Variants in PCDHA11 observed in about 807,000 individuals in gnomAD.
PCDHA11 encodes protocadherin alpha-11.
Under a neutral mutation model 70.3 loss-of-function variants are expected in PCDHA11, and 61 were observed. The observed-to-expected ratio is 0.87, with a 90% CI of 0.71 to 1.07. The LOEUF (loss-of-function observed/expected upper bound fraction) is 1.07. Ranked by LOEUF, PCDHA11 falls within the 50% of genes least tolerant of loss-of-function variation. The pLI, the probability that PCDHA11 is intolerant of heterozygous loss-of-function variation, is 0.00. For missense variants in PCDHA11, 1,324 were observed against 1,237.5 expected, an observed-to-expected ratio of 1.07 and a Z score of -1.05; for synonymous variants, 633 against 555.1, an observed-to-expected ratio of 1.14 and a Z score of -1.97.
chr5:140,882,103 G>A, intron 1 of PCDHA11: 2 of 1,335,054 alleles, frequency 1.5e-6, no homozygotes, highest in Non-Finnish European at 2.0e-6. Context: ...ACGTTTCCGC[G>A]AAGAAAGCCG....
chr5:140,907,360 T>C (rs1241355980), intron 1 of PCDHA11, among the ~76,000 whole-genome samples: 1 of 152,186 alleles, frequency 6.6e-6, no homozygotes, highest in Admixed American at 6.5e-5. Flanking sequence ...TGCACTTCTT[T>C]AGTCGTAAAG....
intron 1 of PCDHA11, among the ~76,000 whole-genome samples, chr5:140,957,226 C>T (rs1421287024): frequency 1.3e-5 from 2 of 152,080 alleles, no homozygotes; most frequent in African/African-American, 4.8e-5. Context: ...TTTGGCGAAG[C>T]ATTTTGGCAT....
chr5:140,883,852 G>A (rs1554180292), intron 1 of PCDHA11: 1 of 1,612,972 alleles, frequency 6.2e-7, no homozygotes. Flanking sequence ...ACGAGGAGCT[G>A]GAGCTGTTGC....
chr5:140,939,175 C>A (rs2092330886), intron 1 of PCDHA11, among the ~76,000 whole-genome samples: 1 of 152,010 alleles, frequency 6.6e-6, no homozygotes, highest in African/African-American at 2.4e-5. Context: ...TGGTAATGGC[C>A]CACTCCCTGG....
chr5:140,883,594 G>C (rs1562791129), intron 1 of PCDHA11: 5 of 1,614,032 alleles, frequency 3.1e-6, no homozygotes, highest in South Asian at 1.1e-5. Context: ...CCAGCGTGTC[G>C]GTGGGGGTGG....
At chr5:140,911,299 T>A (rs1583781432) in intron 1 of PCDHA11, among the ~76,000 whole-genome samples, 1 of 152,154 alleles carries the variant, frequency 6.6e-6, no homozygotes, top group Non-Finnish European at 1.5e-5. Flanking sequence ...CTTTTACATA[T>A]CCCCATTCCA....
chr5:140,878,474 C>A (rs1227598146), intron 1 of PCDHA11, among the ~76,000 whole-genome samples: 1 of 152,134 alleles, frequency 6.6e-6, no homozygotes, highest in Non-Finnish European at 1.5e-5. Flanking sequence ...AATCATTTCT[C>A]AATTTAAAAA....
At chr5:140,927,981 T>C (rs2084836319) in intron 1 of PCDHA11, 2 of 1,614,206 alleles carry the variant, frequency 1.2e-6, no homozygotes, top group Non-Finnish European at 1.7e-6. Flanking sequence ...CTCTCTTTAG[T>C]GTAAAGGATG....
At chr5:140,926,183 C>A (rs1287609954) in intron 1 of PCDHA11, among the ~76,000 whole-genome samples, 2 of 151,712 alleles carry the variant, frequency 1.3e-5, no homozygotes, top group African/African-American at 4.8e-5. Context: ...GGAAAGCCCC[C>A]CGCAGCACTT....
intron 1 of PCDHA11, among the ~76,000 whole-genome samples, chr5:140,956,457 G>T (rs1197742299): frequency 2.0e-5 from 3 of 152,184 alleles, no homozygotes; most frequent in African/African-American, 7.2e-5. Flanking sequence ...TACATTTATT[G>T]ATTTGCATAT....
At chr5:140,946,631 T>TATATATATAC (rs57893927) in intron 1 of PCDHA11, among the ~76,000 whole-genome samples, 18,480 of 131,524 alleles carry the variant, frequency 0.14, 1,838 homozygotes, top group East Asian at 0.38. Context: ...TATATATATA[T>TATATATATAC]ACAATGGAAT....
At chr5:140,939,987 C>T (rs2092516961) in intron 1 of PCDHA11, among the ~76,000 whole-genome samples, 1 of 152,060 alleles carries the variant, frequency 6.6e-6, no homozygotes. Flanking sequence ...TGAATTGTTT[C>T]TCCTTGGATT....
intron 1 of PCDHA11, chr5:140,969,483 G>C (rs531496681): frequency 1.4e-6 from 2 of 1,462,372 alleles, no homozygotes; most frequent in African/African-American, 1.4e-5. Context: ...ATCATAATCT[G>C]CTATTTCCTC....
At position 140,928,140 on chromosome 5, in the gene PCDHA11, G is replaced by A. The variant is rs200493520; in HGVS notation, c.2392-50809G>A. On this transcript the variant is annotated intron_variant, in intron 1 of 3. Coordinates refer to ENST00000398640, the MANE Select transcript of PCDHA11 (RefSeq NM_018902.5). The stretch of plus-strand genomic sequence containing the variant: ...TCAGTGAATACCAAGTCCTGATCAC[G>A]GCCTCAGATAGTGGCTCACCCCCAC... The A allele has an allele frequency of 2.7e-5, 43 of 1,614,036 alleles. 1 individual carries two copies. The South Asian group carries it at 4.2e-4, about 16-fold the overall frequency.
chr5:141,000,913 A>G (rs967026969), intron 3 of PCDHA11, among the ~76,000 whole-genome samples: 1 of 152,218 alleles, frequency 6.6e-6, no homozygotes, highest in African/African-American at 2.4e-5. Context: ...GTCTCTAAAA[A>G]AAAAAATCCT....
At chr5:140,878,993 G>A (rs369200128) in intron 1 of PCDHA11, among the ~76,000 whole-genome samples, 70 of 152,306 alleles carry the variant, frequency 4.6e-4, no homozygotes, top group African/African-American at 1.7e-3. Context: ...AGAAATGAGA[G>A]TATGCCCTAG....
intron 1 of PCDHA11, among the ~76,000 whole-genome samples, chr5:140,873,915 C>A (rs543062290): frequency 6.6e-6 from 1 of 152,284 alleles, no homozygotes; most frequent in Non-Finnish European, 1.5e-5. Flanking sequence ...CCTGCCTCAG[C>A]CTCCCAAAGT....
chr5:140,982,687 C>T (rs2096996612), intron 3 of PCDHA11, 124 bp downstream of exon 3: 1 of 1,415,822 alleles, frequency 7.1e-7, no homozygotes, highest in Non-Finnish European at 9.3e-7. Flanking sequence ...CCCTTTTTTC[C>T]ATACATACAT....
At chr5:140,995,963 A>G (rs2097706042) in intron 3 of PCDHA11, among the ~76,000 whole-genome samples, 1 of 152,234 alleles carries the variant, frequency 6.6e-6, no homozygotes, top group Non-Finnish European at 1.5e-5. Context: ...AATGCTTAGA[A>G]CCATGCTTAG....
Sources: allele counts gnomAD v4.1 joint callset (sites outside exome capture counted in the v4.1 genomes callset), GRCh38; gene constraint gnomAD v4.1.1; transcripts MANE v1.5; gene names NCBI Gene and HGNC (gene_info 2026-07-23, HGNC 2026-07-21).